Variants in KLF12 observed in about 807,000 individuals in gnomAD.
KLF12 encodes Krueppel-like factor 12.
Under a neutral mutation model 37.8 loss-of-function variants are expected in KLF12, and 9 were observed. The ratio of observed to expected loss-of-function variants is 0.24; its 90% CI spans 0.14 to 0.42. KLF12 has a LOEUF of 0.42. Among genes scored for constraint, KLF12 ranks in the 10% least tolerant of loss-of-function variants. The probability of loss-of-function intolerance (pLI) is 1.00; values close to 1 mark genes in which losing one functional copy is unlikely to be tolerated. For synonymous variants in KLF12, 208 were observed against 202.1 expected (o/e 1.03, Z -0.25); for missense variants, 411 against 516.0 (o/e 0.80, Z 1.97).
chr13:74,223,887 CT>C, the KLF12 span, among the ~76,000 whole-genome samples: 6 of 152,150 alleles, frequency 3.9e-5, no homozygotes, highest in Non-Finnish European at 7.4e-5. Context: ...ACATATTTCA[CT>C]TGCTTTAACT....
the KLF12 span, among the ~76,000 whole-genome samples, chr13:74,300,720 A>T: frequency 6.6e-6 from 1 of 152,178 alleles, no homozygotes; most frequent in African/African-American, 2.4e-5. Context: ...TTGCCATCTG[A>T]TAGTAATATT....
chr13:73,910,045 T>C (rs73524885), intron 3 of KLF12, among the ~76,000 whole-genome samples: 2 of 152,156 alleles, frequency 1.3e-5, no homozygotes, highest in Non-Finnish European at 2.9e-5. Context: ...TAAATTGATA[T>C]GCAGGAGCTC....
chr13:73,790,403 T>C (rs1881618560), intron 5 of KLF12, among the ~76,000 whole-genome samples: 2 of 152,320 alleles, frequency 1.3e-5, no homozygotes, highest in South Asian at 4.1e-4. Context: ...TTGGCCAATA[T>C]ATTTGTTATA....
chr13:73,903,056 T>C (rs1272762517), intron 3 of KLF12, among the ~76,000 whole-genome samples: 5 of 152,254 alleles, frequency 3.3e-5, no homozygotes, highest in African/African-American at 1.2e-4. Flanking sequence ...TTTATAATTA[T>C]TTTGACAAAA....
chr13:74,163,703 T>C, the KLF12 span, among the ~76,000 whole-genome samples: 1 of 152,048 alleles, frequency 6.6e-6, no homozygotes, highest in Non-Finnish European at 1.5e-5. Flanking sequence ...AATTGCATAT[T>C]TCAAAATAAC....
At chr13:73,995,301 A>G (rs1892079171) in intron 1 of KLF12, among the ~76,000 whole-genome samples, 1 of 152,174 alleles carries the variant, frequency 6.6e-6, no homozygotes, top group Non-Finnish European at 1.5e-5. Flanking sequence ...TAAATAATTA[A>G]GACCTAGACA....
intron 3 of KLF12, among the ~76,000 whole-genome samples, chr13:73,861,829 T>C (rs779652890): frequency 1.3e-5 from 2 of 152,314 alleles, no homozygotes; most frequent in Non-Finnish European, 2.9e-5. Context: ...TGAATGCTGA[T>C]GGGCATGTGT....
chr13:73,913,863 T>G (rs1159485585), intron 3 of KLF12, among the ~76,000 whole-genome samples: 4 of 152,220 alleles, frequency 2.6e-5, no homozygotes, highest in African/African-American at 9.6e-5. Context: ...CTAAACATGG[T>G]GATACAAACA....
intron 1 of KLF12, among the ~76,000 whole-genome samples, chr13:74,071,349 A>G (rs2138702099): frequency 6.6e-6 from 1 of 152,308 alleles, no homozygotes; most frequent in Non-Finnish European, 1.5e-5. Flanking sequence ...TGTTAAACCT[A>G]TAATCCGCAA....
chr13:73,700,298 TA>T (rs1218638232), intron 7 of KLF12, among the ~76,000 whole-genome samples: 2 of 150,752 alleles, frequency 1.3e-5, no homozygotes, highest in Non-Finnish European at 3.0e-5. Flanking sequence ...ATTAATTAAT[TA>T]AAAAGAAAAA....
rs1254412957 is a variant in KLF12 at position 73,689,273 on chromosome 13, T to C, written c.*6217A>G. On this transcript the variant is annotated 3_prime_UTR_variant, in exon 8 of 8. Coordinates refer to ENST00000377669, the MANE Select transcript of KLF12 (RefSeq NM_007249.5). ...CGTCTCCCTTTTCTTCTTTCTAACA[T>C]TGGGAGGAGAAAACAGTGGATGTTT... 4 of 152,194 alleles carry C rather than the reference T, an allele frequency of 2.6e-5. No individual in the cohort carries two copies. The South Asian group carries it at 8.3e-4, about 32-fold the overall frequency. 9.4% of individuals were successfully genotyped at this position (152,194 alleles called of 1,614,324 possible).
At chr13:73,968,137 G>A (rs896966774) in intron 2 of KLF12, among the ~76,000 whole-genome samples, 5 of 152,166 alleles carry the variant, frequency 3.3e-5, no homozygotes, top group Non-Finnish European at 7.3e-5. Flanking sequence ...CAAGTCAAAT[G>A]AGGAACTTCA....
At chr13:74,210,790 A>G in the KLF12 span, among the ~76,000 whole-genome samples, 1 of 152,130 alleles carries the variant, frequency 6.6e-6, no homozygotes, top group Non-Finnish European at 1.5e-5. Context: ...AATTATTTCT[A>G]TTGTTCTCCA....
the KLF12 span, among the ~76,000 whole-genome samples, chr13:74,272,878 C>T: frequency 6.6e-6 from 1 of 152,058 alleles, no homozygotes; most frequent in Non-Finnish European, 1.5e-5. Context: ...ATGCTAGGTA[C>T]CTGGTATTCT....
the KLF12 span, among the ~76,000 whole-genome samples, chr13:74,202,675 C>T: frequency 1.3e-5 from 2 of 152,222 alleles, no homozygotes; most frequent in Admixed American, 6.5e-5. Context: ...TCTCCTTTTT[C>T]GAAGGATAGA....
chr13:74,255,309 C>T, the KLF12 span, among the ~76,000 whole-genome samples: 1 of 152,226 alleles, frequency 6.6e-6, no homozygotes, highest in African/African-American at 2.4e-5. Flanking sequence ...CAAAGACAAA[C>T]TTCACTCAGC....
the KLF12 span, among the ~76,000 whole-genome samples, chr13:74,265,465 A>G: frequency 6.6e-6 from 1 of 152,234 alleles, no homozygotes; most frequent in Non-Finnish European, 1.5e-5. Context: ...AAACAGAGTC[A>G]TTACTCTATT....
chr13:74,210,474 T>C, the KLF12 span, among the ~76,000 whole-genome samples: 1 of 152,206 alleles, frequency 6.6e-6, no homozygotes, highest in Non-Finnish European at 1.5e-5. Context: ...CACTGGTTTA[T>C]TAATCTTTTA....
At chr13:73,758,638 T>G (rs1175471047) in intron 6 of KLF12, among the ~76,000 whole-genome samples, 1 of 152,178 alleles carries the variant, frequency 6.6e-6, no homozygotes, top group Non-Finnish European at 1.5e-5. Flanking sequence ...AAACTATTCC[T>G]GGGTTTTTAA....
Sources: gnomAD v4.1 joint callset for allele counts (sites outside exome capture counted in the v4.1 genomes callset) on GRCh38, gnomAD v4.1.1 for gene constraint, MANE v1.5 for transcripts, NCBI Gene and HGNC (gene_info 2026-07-23, HGNC 2026-07-21) for gene names.